Variants in SLC22A7 observed in about 807,000 individuals in gnomAD.
SLC22A7 encodes the protein solute carrier family 22 member 7, also known as hOAT2.
In SLC22A7, 48 loss-of-function variants were observed where a neutral mutation model predicts 62.2. The ratio of observed to expected loss-of-function variants is 0.77; its 90% CI spans 0.61 to 0.98. SLC22A7 has a LOEUF of 0.98. Ranked by LOEUF, SLC22A7 falls within the 50% of genes least tolerant of loss-of-function variation. The pLI is 0.00. For missense variants in SLC22A7, 581 were observed against 703.8 expected (o/e 0.83, Z 1.97); for synonymous variants, 276 against 314.8 (o/e 0.88, Z 1.30).
At position 43,302,306 on chromosome 6, in the gene SLC22A7, A is replaced by G; in HGVS notation, c.1168A>G (p.Lys390Glu). The G allele has an allele frequency of 6.2e-7, 1 of 1,613,928 alleles. No individual in the cohort carries two copies. The highest frequency in any genetic ancestry group is 8.5e-7 in the Non-Finnish European group (1 of 1,179,976). ...GTTCGGGGCTGTGGAACTGCCCTCC[A>G]AGCTGCTGGTCTACTTGTCGGTGCG... is the stretch of plus-strand genomic sequence containing the variant. ...LLFGAVELPS[K>E]LLVYLSVRYA... The change falls in exon 8 of 11, where the codon AAG becomes GAG. Residue 390 changes from lysine (K) to glutamate (E), a missense_variant. Physicochemically the swap from Lys to Glu is moderately conservative, Grantham distance 56. Coordinates refer to ENST00000372585, the MANE Select transcript of SLC22A7 (RefSeq NM_153320.2). The surrounding 1 kb of genome is among the most constrained non-coding windows in gnomAD (Gnocchi z 5.0).
intron 5 of SLC22A7, chr6:43,300,311 A>G (rs995054981): frequency 1.8e-6 from 1 of 553,806 alleles, no homozygotes; most frequent in Non-Finnish European, 3.2e-6. Context: ...ACAGAGCCAA[A>G]CATAAATTGA....
chr6:43,297,797 G>T (rs1363567180), upstream of SLC22A7, among the ~76,000 whole-genome samples: 1 of 152,218 alleles, frequency 6.6e-6, no homozygotes, highest in East Asian at 1.9e-4. Flanking sequence ...CTCCCAGCAG[G>T]GGAGAGGGAT....
In SLC22A7 at chr6:43,301,273, G is replaced by A. The variant is rs900472927; in HGVS notation, c.951+15G>A. 4 of 1,613,976 alleles carry A rather than the reference G, an allele frequency of 2.5e-6. No individual in the cohort carries two copies. The highest frequency in any genetic ancestry group is 2.5e-6 in the Non-Finnish European group (3 of 1,180,008). On this transcript the variant is annotated intron_variant, in intron 6 of 10. Transcript: ENST00000372585. ...TCAGCCAGGAGGTGAGGGTGAACGT[G>A]TGTGTGAGCATGCATATATGTGTGT...
rs1376164667 is a variant in SLC22A7, at chr6:43,302,570, C to T, written c.1277-85C>T. On this transcript the variant is annotated intron_variant, in intron 8 of 10. Transcript: ENST00000372585. The surrounding 1 kb of genome is among the most constrained non-coding windows in gnomAD (Gnocchi z 5.0). ...AGACTCTCCACCACTTAAGTTTGGC[C>T]CACTCTGGAGACTCCGCACCCTATC... is the stretch of plus-strand genomic sequence containing the variant. The T allele has an allele frequency of 4.9e-6, 6 of 1,235,134 alleles. No homozygotes were observed. The highest frequency in any genetic ancestry group is 6.9e-6 in the Non-Finnish European group (6 of 871,198). The allele number at this position is 1,235,134 out of a possible 1,614,324, so 76.5% of individuals were successfully genotyped here.
Position 43,301,970 on chromosome 6 carries a change from T to G in SLC22A7, c.1062-230T>G, listed in dbSNP as rs187960975. Reference sequence around the variant, plus strand: ...AGTGTCCCTTCTGTAAAACGGACTGTTGTCAGTTCCATGTCAGGGTTGCTG... The same window carrying G: ...AGTGTCCCTTCTGTAAAACGGACTGGTGTCAGTTCCATGTCAGGGTTGCTG... On this transcript the variant is annotated intron_variant, in intron 7 of 10. Transcript: ENST00000372585. Among the ~76,000 whole-genome samples the G allele has an allele frequency of 1.3e-4, 20 of 152,318 alleles. No homozygotes were observed. In the East Asian group the frequency reaches 3.7e-3, roughly 28 times the overall value.
chr6:43,304,149 G>A lies in SLC22A7; in HGVS notation c.1497G>A (p.Gly499=), dbSNP rs375340158. 13 of 1,606,406 alleles carry A rather than the reference G, an allele frequency of 8.1e-6. No individual in the cohort carries two copies. In the African/African-American group the frequency reaches 1.7e-4, roughly 21 times the overall value. Residue 499 remains glycine (G), a synonymous_variant, in exon 10 of 11, where the codon GGG becomes GGA. Coordinates refer to ENST00000372585, the MANE Select transcript of SLC22A7 (RefSeq NM_153320.2). ...VWLSLPKLTY[G]GIALLAAGTA... ...TGTCACTGCCCAAGCTTACTTATGG[G>A]GGGATCGCCCTGCTGGCTGCCGGCA...
Position 43,299,228 on chromosome 6 carries a change from C to T in SLC22A7, c.399+131C>T, listed in dbSNP as rs1250408307. On this transcript the variant is annotated intron_variant, in intron 2 of 10. Coordinates refer to ENST00000372585, the MANE Select transcript of SLC22A7 (RefSeq NM_153320.2). The surrounding 1 kb of genome is among the most constrained non-coding windows in gnomAD (Gnocchi z 4.4). ...CTGGGGAGGGACAAAGTTTCCTATT[C>T]CCCAAGCTGGCGTGAATCGTTGGGA... is the stretch of plus-strand genomic sequence containing the variant. 2.5e-6 allele frequency: 4 copies of T among 1,612,808 alleles called. No homozygotes were observed. The African/African-American group carries it at 5.3e-5, about 22-fold the overall frequency.
rs756099312 is a variant in SLC22A7, at chr6:43,301,120, T to A, written c.828-15T>A. 1.9e-6 allele frequency: 3 copies of A among 1,614,144 alleles called. No individual in the cohort carries two copies. The Admixed American group carries it at 5.0e-5, about 27-fold the overall frequency. The stretch of plus-strand genomic sequence containing the variant: ...TCATGACTTTCTGGCTGATGGACCT[T>A]CTGCCTATTCCTAGGTGGGTGCCTG... On this transcript the variant is annotated splice_polypyrimidine_tract_variant and intron_variant, in intron 5 of 10. Coordinates refer to ENST00000372585, the MANE Select transcript of SLC22A7 (RefSeq NM_153320.2).
At position 43,304,073 on chromosome 6, in the gene SLC22A7, G is replaced by A. The variant is rs774294045; in HGVS notation, c.1421G>A (p.Arg474Gln). 2.3e-5 allele frequency: 37 copies of A among 1,591,078 alleles called. No individual in the cohort carries two copies. Among genetic ancestry groups the A allele is most frequent in the Non-Finnish European group, 2.7e-5 (32 of 1,167,100 alleles). The change falls in exon 10 of 11, where the codon CGG becomes CAG. Residue 474 changes from arginine (R) to glutamine (Q), a missense_variant. Arg to Gln is a conservative substitution (Grantham distance 43). Transcript: ENST00000372585. ...TGMGLTALVG[R>Q]LGGSLAPLAA... ...ATGGGGCTGACTGCACTGGTGGGCC[G>A]GCTGGGGGGCTCTTTGGCCCCACTG...
chr6:43,304,514 A>G, intron 10 of SLC22A7, 157 bp from the exon 11 acceptor site: 3 of 632,682 alleles, frequency 4.7e-6, no homozygotes, highest in Non-Finnish European at 8.4e-6. Flanking sequence ...GTATGCCTAC[A>G]CATCAGGGGT....
At chr6:43,298,157 G>A (rs1778600286), upstream of SLC22A7, 2 of 557,914 alleles carry the variant, frequency 3.6e-6, no homozygotes, top group South Asian at 2.5e-5. Context: ...CAGGCACCAG[G>A]CAAGACAGGT....
At position 43,302,738 on chromosome 6, in the gene SLC22A7, T is replaced by G. The variant is rs1396696939; in HGVS notation, c.1360T>G (p.Ser454Ala). ...AAFTTAYLFT[S>A]ELYPTVLRQT... The stretch of plus-strand genomic sequence containing the variant: ...CTTCACCACTGCCTACCTGTTCACT[T>G]CAGAGTTGTACCCTACGGTGCTCAG... The change falls in exon 9 of 11, where the codon TCA becomes GCA. Residue 454 changes from serine (S) to alanine (A), a missense_variant. Physicochemically the swap from Ser to Ala is moderately conservative, Grantham distance 99. Coordinates refer to ENST00000372585, the MANE Select transcript of SLC22A7 (RefSeq NM_153320.2). The surrounding 1 kb of genome is among the most constrained non-coding windows in gnomAD (Gnocchi z 5.0). The G allele has an allele frequency of 6.2e-7, 1 of 1,609,716 alleles. No homozygotes were observed. The highest frequency in any genetic ancestry group is 8.5e-7 in the Non-Finnish European group (1 of 1,177,544).
At chr6:43,297,825 CT>C (rs750049381), upstream of SLC22A7, among the ~76,000 whole-genome samples, 29 of 152,188 alleles carry the variant, frequency 1.9e-4, no homozygotes, top group Non-Finnish European at 4.0e-4. Context: ...GGCCTCATGG[CT>C]CAGCAGAAAG....
Position 43,302,376 on chromosome 6 carries a change from C to T in SLC22A7, c.1238C>T (p.Thr413Met), listed in dbSNP as rs776077806. ...ACGCAAGCCGGGACACTGCTGGGCA[C>T]GGCCCTGGCGTTCGGCACTAGACTG... ...RLTQAGTLLG[T>M]ALAFGTRLLV... Residue 413 changes from threonine (T) to methionine (M), a missense_variant, in exon 8 of 11, where the codon ACG (threonine) becomes ATG (methionine). By Grantham distance (81) the Thr-to-Met change is moderately conservative. Transcript: ENST00000372585. This position sits in a 1 kb window ranked among gnomAD's most constrained non-coding sequence, Gnocchi z 5.0. 11 of 1,609,996 alleles carry T rather than the reference C, an allele frequency of 6.8e-6. No homozygotes were observed. The highest frequency in any genetic ancestry group is 2.1e-4 in the Middle Eastern group (1 of 4,838).
chr6:43,298,904 A>G (rs1778633267), intron 1 of SLC22A7, among the ~76,000 whole-genome samples, 153 bp downstream of exon 1: 1 of 152,198 alleles, frequency 6.6e-6, no homozygotes, highest in South Asian at 2.1e-4. Flanking sequence ...AGGCACTTTT[A>G]GTTCATGGCT....
At chr6:43,297,657 G>A (rs1294608529), upstream of SLC22A7, among the ~76,000 whole-genome samples, 1 of 152,200 alleles carries the variant, frequency 6.6e-6, no homozygotes, top group Non-Finnish European at 1.5e-5. Flanking sequence ...ATAGGGGAAT[G>A]GGACAGGCAG....
chr6:43,299,119 CTGGAGG>C lies in SLC22A7; in HGVS notation c.399+27_399+32del, dbSNP rs769666220. ...CCAGGTCGGTATTTACATAATCCAT[CTGGAGG>C]TGGAATGTCGGTGGAGGCAGTCTCC... On this transcript the variant is annotated intron_variant, in intron 2 of 10. Coordinates refer to ENST00000372585, the MANE Select transcript of SLC22A7 (RefSeq NM_153320.2). This position sits in a 1 kb window ranked among gnomAD's most constrained non-coding sequence, Gnocchi z 4.4. 2.5e-6 allele frequency: 4 copies of C among 1,613,766 alleles called. No individual in the cohort carries two copies. Among genetic ancestry groups the C allele is most frequent in the Non-Finnish European group, 3.4e-6 (4 of 1,179,818 alleles).
At chr6:43,303,291 TCTC>T in intron 9 of SLC22A7, 1 of 295,340 alleles carries the variant, frequency 3.4e-6, no homozygotes, top group Non-Finnish European at 5.0e-6. Context: ...TGAAACCCTG[TCTC>T]TGCTAAACAT....
intron 9 of SLC22A7, chr6:43,303,289 T>TGTTG: frequency 3.3e-6 from 1 of 299,640 alleles, no homozygotes; most frequent in Non-Finnish European, 4.9e-6. Context: ...GGTGAAACCC[T>TGTTG]GTCTCTGCTA....
Sources: allele counts gnomAD v4.1 joint callset (sites outside exome capture counted in the v4.1 genomes callset), GRCh38; gene constraint gnomAD v4.1.1; non-coding constraint Gnocchi (gnomAD v3.1); transcripts MANE v1.5; gene names NCBI Gene and HGNC (gene_info 2026-07-23, HGNC 2026-07-21).